MYO6: variants seen among roughly 807,000 people sequenced by gnomAD.
MYO6 encodes myosin VI.
In MYO6, 74 loss-of-function variants were observed where a neutral mutation model predicts 178.7. That is an observed-to-expected ratio of 0.41 (90% CI 0.34 to 0.50). The LOEUF (loss-of-function observed/expected upper bound fraction) is 0.50, where lower values mean the gene tolerates loss of function less well. Ranked by LOEUF, MYO6 falls within the 20% of genes least tolerant of loss-of-function variation. The pLI, the probability that MYO6 is intolerant of heterozygous loss-of-function variation, is 0.09. For synonymous variants in MYO6, 477 were observed against 504.6 expected (o/e 0.95, Z 0.73); for missense variants, 1,330 against 1,547.4 (o/e 0.86, Z 2.36).
intron 18 of MYO6, among the ~76,000 whole-genome samples, chr6:75,869,834 C>T (rs1776989484): frequency 6.6e-6 from 1 of 152,098 alleles, no homozygotes; most frequent in Non-Finnish European, 1.5e-5. Flanking sequence ...GTTAAAGAGG[C>T]AGGGTGCGGT....
In MYO6 at chr6:75,918,196, AC is replaced by A. The variant is rs552017972; in HGVS notation, c.*3186del. Reference sequence around the variant, plus strand: ...TGACAGGTTTTCCCTATTTATCATTACCAATAATAACAAGTATTGAGAGTTT... The same window carrying A: ...TGACAGGTTTTCCCTATTTATCATTACAATAATAACAAGTATTGAGAGTTT... On this transcript the variant is annotated 3_prime_UTR_variant, in exon 35 of 35. Coordinates refer to ENST00000369977, the MANE Select transcript of MYO6 (RefSeq NM_004999.4). The A allele has an allele frequency of 4.3e-4, 66 of 152,326 alleles. No individual in the cohort carries two copies. The highest frequency in any genetic ancestry group is 1.5e-3 in the African/African-American group (64 of 41,584). The allele number at this position is 152,326 out of a possible 1,614,324, so 9.4% of individuals were successfully genotyped here.
chr6:75,790,024 T>C (rs1304721088), intron 1 of MYO6, among the ~76,000 whole-genome samples: 3 of 152,234 alleles, frequency 2.0e-5, no homozygotes, highest in Admixed American at 1.3e-4. Context: ...TTACTTAATA[T>C]ATTATCTTCT....
chr6:75,759,875 T>C (rs1371636994), intron 1 of MYO6, among the ~76,000 whole-genome samples: 2 of 152,226 alleles, frequency 1.3e-5, no homozygotes, highest in Non-Finnish European at 2.9e-5. Context: ...TCTAGGTCTG[T>C]TAACACAAAG....
chr6:75,763,011 T>C lies in MYO6; in HGVS notation c.-48+13588T>C, dbSNP rs571800563. Among the ~76,000 whole-genome samples the C allele has an allele frequency of 2.0e-3, 304 of 151,828 alleles. 1 individual carries two copies. Among genetic ancestry groups the C allele is most frequent in the Middle Eastern group, 0.01 (3 of 294 alleles). On this transcript the variant is annotated intron_variant, in intron 1 of 34. Coordinates refer to ENST00000369977, the MANE Select transcript of MYO6 (RefSeq NM_004999.4). ...TGCTGAGATTATAGGCATGAGCCAC[T>C]GCATCTGACCTGTAATTTTTTTTTT... is the stretch of plus-strand genomic sequence containing the variant.
chr6:75,758,699 C>T (rs1777689399), intron 1 of MYO6, among the ~76,000 whole-genome samples: 1 of 152,174 alleles, frequency 6.6e-6, no homozygotes, highest in Non-Finnish European at 1.5e-5. Context: ...ACCTCGTGAT[C>T]TGCCCGACTC....
Position 75,817,494 on chromosome 6 carries a change from G to T in MYO6, c.-47-7G>T. ...TTCATGTTGCTGTATTTGTTCCTTT[G>T]AAACAGGTGACAGTGGATAGTGGAA... On this transcript the variant is annotated splice_polypyrimidine_tract_variant and splice_region_variant and intron_variant, in intron 1 of 34. Transcript: ENST00000369977. 1 of 1,350,026 alleles carries T rather than the reference G, an allele frequency of 7.4e-7. No individual in the cohort carries two copies. The highest frequency in any genetic ancestry group is 1.1e-6 in the Non-Finnish European group (1 of 939,336). The allele number at this position is 1,350,026 out of a possible 1,614,324, so 83.6% of individuals were successfully genotyped here.
chr6:75,784,479 T>G (rs796952326), intron 1 of MYO6, among the ~76,000 whole-genome samples: 5 of 150,274 alleles, frequency 3.3e-5, no homozygotes, highest in African/African-American at 1.2e-4. Flanking sequence ...AAGAGCAAAG[T>G]GAAAGGGAAG....
At chr6:75,884,890 G>A (rs985974926) in intron 23 of MYO6, among the ~76,000 whole-genome samples, 2 of 152,202 alleles carry the variant, frequency 1.3e-5, no homozygotes, top group African/African-American at 2.4e-5. Flanking sequence ...AGGAGGTTCA[G>A]ATTCATGCAG....
chr6:75,873,377 T>C, intron 20 of MYO6, 77 bp downstream of exon 20: 2 of 1,080,518 alleles, frequency 1.9e-6, no homozygotes, highest in African/African-American at 1.6e-5. Flanking sequence ...TATTTTCAAA[T>C]AATTCACCAT....
chr6:75,906,686 A>G (rs569782039), intron 30 of MYO6, among the ~76,000 whole-genome samples: 21 of 152,290 alleles, frequency 1.4e-4, no homozygotes, highest in African/African-American at 4.8e-4. Flanking sequence ...AAAAAAAACA[A>G]AAAACAAAAA....
At chr6:75,889,500 C>T (rs532586569) in intron 25 of MYO6, among the ~76,000 whole-genome samples, 33 of 152,192 alleles carry the variant, frequency 2.2e-4, no homozygotes, top group Middle Eastern at 6.8e-3. Context: ...CTCCGCCTCC[C>T]GGGTTCAAGC....
At chr6:75,911,840 A>T in intron 33 of MYO6, 142 bp downstream of exon 33, 2 of 747,322 alleles carry the variant, frequency 2.7e-6, no homozygotes, top group Admixed American at 4.6e-5. Flanking sequence ...CCATACTAAG[A>T]TATATTTTAA....
rs727503327 is a variant in MYO6 at position 75,908,606 on chromosome 6, C to T, written c.3391C>T (p.Pro1131Ser). Reference protein sequence around the residue: ...KRNTETEQRAPKSVTDYDFAP... With the variant: ...KRNTETEQRASKSVTDYDFAP... ...AAATACTGAAACAGAGCAACGTGCT[C>T]CAAAGTCTGTTACTGATTATGGTAA... The change falls in exon 32 of 35, where the codon CCA becomes TCA. Residue 1131 changes from proline (P) to serine (S), a missense_variant. Pro to Ser is a moderately conservative substitution (Grantham distance 74). This residue lies in a region of MYO6 where 601 missense variants were observed against 626.1 expected (regional missense o/e 0.96). Transcript: ENST00000369977. 28 of 1,613,378 alleles carry T rather than the reference C, an allele frequency of 1.7e-5. No homozygotes were observed. The highest frequency in any genetic ancestry group is 2.0e-5 in the Non-Finnish European group (24 of 1,179,642).
chr6:75,809,746 G>A (rs938027640), intron 1 of MYO6, among the ~76,000 whole-genome samples: 4 of 151,874 alleles, frequency 2.6e-5, no homozygotes, highest in African/African-American at 4.8e-5. Flanking sequence ...GAAGTCAGTA[G>A]AAAGAAATGC....
Position 75,846,733 on chromosome 6 carries a change from G to C in MYO6, c.898-1618G>C, listed in dbSNP as rs1005917091. 3.9e-5 allele frequency among the ~76,000 whole-genome samples: 6 copies of C among 152,074 alleles called. No homozygotes were observed. The East Asian group carries it at 5.8e-4, about 15-fold the overall frequency. On this transcript the variant is annotated intron_variant, in intron 10 of 34. Coordinates refer to ENST00000369977, the MANE Select transcript of MYO6 (RefSeq NM_004999.4). ...GTGGGACATTTCAGCAGTTCTGAAGGGGGGAAAAAGATATAAATTTGATCA... is the reference window on the plus strand; with the variant it reads ...GTGGGACATTTCAGCAGTTCTGAAGCGGGGAAAAAGATATAAATTTGATCA...
intron 1 of MYO6, among the ~76,000 whole-genome samples, chr6:75,794,059 G>A (rs1244975018): frequency 6.6e-6 from 1 of 152,156 alleles, no homozygotes; most frequent in East Asian, 1.9e-4. Flanking sequence ...AAGTAAAAAT[G>A]TGACTGTAGA....
intron 22 of MYO6, among the ~76,000 whole-genome samples, chr6:75,881,233 G>A (rs1220097067): frequency 6.6e-6 from 1 of 152,118 alleles, no homozygotes; most frequent in Non-Finnish European, 1.5e-5. Flanking sequence ...AAGGTTGGGG[G>A]TGGGTAATGG....
At chr6:75,811,106 G>T (rs1396553757) in intron 1 of MYO6, among the ~76,000 whole-genome samples, 1 of 151,930 alleles carries the variant, frequency 6.6e-6, no homozygotes, top group South Asian at 2.1e-4. Flanking sequence ...TTCTCTTGGT[G>T]GGGGTGGTGG....
chr6:75,908,978 T>A (rs1780560092), intron 32 of MYO6, among the ~76,000 whole-genome samples: 1 of 152,202 alleles, frequency 6.6e-6, no homozygotes. Context: ...ACCTTACATG[T>A]GAAATGAATT....
Sources: allele counts gnomAD v4.1 joint callset (sites outside exome capture counted in the v4.1 genomes callset), GRCh38; gene constraint gnomAD v4.1.1; regional missense constraint gnomAD v4.1.1; transcripts MANE v1.5; gene names NCBI Gene and HGNC (gene_info 2026-07-23, HGNC 2026-07-21).